The following MMS19 variants were observed in gnomAD, a reference collection of about 807,000 sequenced individuals.
MMS19 encodes MMS19 cytosolic iron-sulfur assembly component.
In MMS19, 77 loss-of-function variants were observed where a neutral mutation model predicts 129.8. The ratio of observed to expected loss-of-function variants is 0.59; its 90% CI spans 0.49 to 0.72. MMS19 has a LOEUF of 0.72. MMS19 is among the 30% of genes least tolerant of loss of function. The probability of loss-of-function intolerance (pLI) is 0.00; values close to 1 mark genes in which losing one functional copy is unlikely to be tolerated. For synonymous variants in MMS19, 491 were observed against 502.8 expected (o/e 0.98, Z 0.31); for missense variants, 1,168 against 1,266.3 (o/e 0.92, Z 1.18).
chr10:97,476,027 C>T (rs1253214599), intron 8 of MMS19, among the ~76,000 whole-genome samples: 2 of 152,174 alleles, frequency 1.3e-5, no homozygotes, highest in African/African-American at 4.8e-5. Flanking sequence ...TGGCATGCTG[C>T]AATAGAATGC....
intron 19 of MMS19, among the ~76,000 whole-genome samples, chr10:97,463,189 AG>A (rs1219548490): frequency 7.0e-6 from 1 of 142,856 alleles, no homozygotes; most frequent in Non-Finnish European, 1.5e-5. Context: ...TTTTTGAGAC[AG>A]GAACAGGATC....
At chr10:97,482,336 C>T (rs559553711) in intron 2 of MMS19, among the ~76,000 whole-genome samples, 1 of 152,088 alleles carries the variant, frequency 6.6e-6, no homozygotes, top group Non-Finnish European at 1.5e-5. Flanking sequence ...ATCCATAAAA[C>T]GGGAATATTA....
In MMS19 at chr10:97,460,297, TG is replaced by T. The variant is rs1384020399; in HGVS notation, c.2470-66del. On this transcript the variant is annotated intron_variant, in intron 25 of 30. Coordinates refer to ENST00000438925, the MANE Select transcript of MMS19 (RefSeq NM_022362.5). ...GAATCTTAAGTGCCAAAGATAAGGA[TG>T]GGGCCGGGTGTGGTGGCTCATGCCT... The T allele has an allele frequency of 2.7e-6, 4 of 1,470,944 alleles. No individual in the cohort carries two copies. The African/African-American group carries it at 5.6e-5, about 21-fold the overall frequency. 91.1% of individuals were successfully genotyped at this position (1,470,944 alleles called of 1,614,324 possible).
chr10:97,498,410 G>A lies in MMS19; in HGVS notation c.-26C>T, dbSNP rs1481795714. ...AACGCGAACTAGAGACCGTGGGAGG[G>A]GATATGGGCGGTGGCTCGAGACGGG... On this transcript the variant is annotated 5_prime_UTR_variant, in exon 1 of 31. Coordinates refer to ENST00000438925, the MANE Select transcript of MMS19 (RefSeq NM_022362.5). The A allele has an allele frequency of 2.5e-6, 4 of 1,574,246 alleles. No homozygotes were observed. Among genetic ancestry groups the A allele is most frequent in the South Asian group, 1.1e-5 (1 of 87,346 alleles).
At position 97,476,830 on chromosome 10, in the gene MMS19, T is replaced by C. The variant is rs760610927; in HGVS notation, c.622+5A>G. 3 of 1,613,850 alleles carry C rather than the reference T, an allele frequency of 1.9e-6. No homozygotes were observed. In the African/African-American group the frequency reaches 4.0e-5, roughly 22 times the overall value. ...AATGAGCTAATCATGGCTACCACGA[T>C]ATACCCAGGCTATAGTCCCTGGAGA... On this transcript the variant is annotated splice_donor_5th_base_variant and intron_variant, in intron 7 of 30. Coordinates refer to ENST00000438925, the MANE Select transcript of MMS19 (RefSeq NM_022362.5).
rs2030586891 is a variant in MMS19, at chr10:97,458,713, C to T, written c.3072G>A (p.Leu1024=). 1 of 1,610,666 alleles carries T rather than the reference C, an allele frequency of 6.2e-7. No homozygotes were observed. ...EAVSARGEWF[L]LGSPGS ...GGGCTCAGCTGCCAGGGCTCCCCAA[C>T]AGAAACCTGTAGGCAAAAAGAAAGT... is the stretch of plus-strand genomic sequence containing the variant. The change falls in exon 31 of 31, where the codon CTG becomes CTA. Residue 1024 remains leucine, a synonymous_variant. Transcript: ENST00000438925.
chr10:97,471,346 T>C (rs752620478), intron 8 of MMS19, among the ~76,000 whole-genome samples: 4 of 152,274 alleles, frequency 2.6e-5, no homozygotes, highest in Middle Eastern at 3.4e-3. Context: ...TCCTTGTTGA[T>C]GGACATTTCC....
At chr10:97,463,003 G>GA (rs532441106) in intron 19 of MMS19, 1,135 of 269,574 alleles carry the variant, frequency 4.2e-3, no homozygotes, top group Middle Eastern at 0.018. Flanking sequence ...GAGATGCAAG[G>GA]AAAAAAAAAT....
rs369332222 is a variant in MMS19, at chr10:97,483,723, C to T, written c.161+380G>A. ...CTCCTGGGAACTCCCCACACAGGGC[C>T]CACAGCTTGTTCTGAGTCAGGTCTA... On this transcript the variant is annotated intron_variant, in intron 2 of 30. Transcript: ENST00000438925. 1.7e-3 allele frequency among the ~76,000 whole-genome samples: 255 copies of T among 152,294 alleles called. 2 individuals are homozygous for T. Among genetic ancestry groups the T allele is most frequent in the Middle Eastern group, 0.01 (3 of 294 alleles).
Position 97,459,533 on chromosome 10 carries a change from G to A in MMS19, c.2740-7C>T, listed in dbSNP as rs765167794. 1.2e-6 allele frequency: 2 copies of A among 1,611,480 alleles called. No homozygotes were observed. Among genetic ancestry groups the A allele is most frequent in the Non-Finnish European group, 1.7e-6 (2 of 1,178,238 alleles). ...CCAGCAGCAAGGAAAGAAGCTAAGG[G>A]GCAATGGGCAAGGTAGGGGATGGCC... On this transcript the variant is annotated splice_region_variant and splice_polypyrimidine_tract_variant and intron_variant, in intron 27 of 30. Transcript: ENST00000438925.
chr10:97,485,547 G>A (rs1335899598), intron 1 of MMS19, among the ~76,000 whole-genome samples: 1 of 151,836 alleles, frequency 6.6e-6, no homozygotes, highest in African/African-American at 2.4e-5. Context: ...TCCTGACCTC[G>A]TGATCCGCCC....
Position 97,460,045 on chromosome 10 carries a change from C to T in MMS19, c.2656+1G>A. On this transcript the variant is annotated splice_donor_variant, in intron 26 of 30. Coordinates refer to ENST00000438925, the MANE Select transcript of MMS19 (RefSeq NM_022362.5). LOFTEE classifies it high-confidence loss of function. ...TGGGGACCTTCTTTCAGACTCCTCA[C>T]CTTGGGGAGCAGCATGGAAGCCCTG... 1.2e-6 allele frequency: 2 copies of T among 1,613,104 alleles called. No homozygotes were observed. The highest frequency in any genetic ancestry group is 1.7e-6 in the Non-Finnish European group (2 of 1,179,222).
chr10:97,492,428 C>T (rs1222544853), intron 1 of MMS19, among the ~76,000 whole-genome samples: 2 of 150,038 alleles, frequency 1.3e-5, no homozygotes, highest in African/African-American at 4.9e-5. Context: ...TGAGTGGAGA[C>T]GGAGCCACTG....
At chr10:97,488,941 T>C (rs1422985704) in intron 1 of MMS19, among the ~76,000 whole-genome samples, 2 of 152,252 alleles carry the variant, frequency 1.3e-5, no homozygotes, top group Non-Finnish European at 2.9e-5. Context: ...TAGCTACTTT[T>C]ATTTATTTTT....
chr10:97,497,522 G>A (rs1589849029), intron 1 of MMS19, among the ~76,000 whole-genome samples: 1 of 147,620 alleles, frequency 6.8e-6, no homozygotes, highest in African/African-American at 2.5e-5. Context: ...CTTTTTAGTA[G>A]TTTTTTTTTT....
chr10:97,496,990 A>C (rs1285357172), intron 1 of MMS19, among the ~76,000 whole-genome samples: 7 of 152,250 alleles, frequency 4.6e-5, no homozygotes, highest in Non-Finnish European at 1.0e-4. Context: ...GAAAATTTTC[A>C]TAATAAAATA....
chr10:97,476,740 G>C lies in MMS19; in HGVS notation c.627C>G (p.Pro209=). The C allele has an allele frequency of 1.2e-6, 2 of 1,613,820 alleles. No individual in the cohort carries two copies. Among genetic ancestry groups the C allele is most frequent in the Non-Finnish European group, 1.7e-6 (2 of 1,179,826 alleles). Residue 209 remains proline, a synonymous_variant, in exon 8 of 31, where the codon CCC becomes CCG. Coordinates refer to ENST00000438925, the MANE Select transcript of MMS19 (RefSeq NM_022362.5). ...TCACTTCAAACAACTCCTCCACAAA[G>C]GGTCCTGTGGCAACAGAGAAAAAAT... The part of the protein sequence containing the change: ...DLISRDYSLG[P]FVEELFEVTS...
intron 1 of MMS19, among the ~76,000 whole-genome samples, chr10:97,488,985 T>C (rs1050987682): frequency 1.3e-5 from 2 of 152,300 alleles, no homozygotes; most frequent in Middle Eastern, 6.8e-3. Context: ...TGAGACAGCA[T>C]CCTGCTCTGT....
rs772513968 is a variant in MMS19, at chr10:97,464,024, GA to G, written c.1757-12del. ...GTGCAACCATATTCCCTGTTGATGA[GA>G]AAGTGTTCTCTGTAAGGTTTGCTTA... is the stretch of plus-strand genomic sequence containing the variant. On this transcript the variant is annotated splice_polypyrimidine_tract_variant and intron_variant, in intron 18 of 30. Transcript: ENST00000438925. 1 of 1,609,960 alleles carries G rather than the reference GA, an allele frequency of 6.2e-7. No homozygotes were observed. The highest frequency in any genetic ancestry group is 1.1e-5 in the South Asian group (1 of 90,298).
Sources: gnomAD v4.1 joint callset for allele counts (sites outside exome capture counted in the v4.1 genomes callset) on GRCh38, gnomAD v4.1.1 for gene constraint, MANE v1.5 for transcripts, NCBI Gene and HGNC (gene_info 2026-07-23, HGNC 2026-07-21) for gene names.